The following SORCS3 variants were observed in gnomAD, a reference collection of about 807,000 sequenced individuals.
The protein encoded by SORCS3 is VPS10 domain-containing receptor SorCS3.
SORCS3 carries 57 observed loss-of-function variants against 146.3 expected under a neutral mutation model. The observed-to-expected ratio is 0.39, with a 90% confidence interval of 0.31 to 0.49. The LOEUF (loss-of-function observed/expected upper bound fraction) is 0.49, where lower values mean the gene tolerates loss of function less well. Ranked by LOEUF, SORCS3 falls within the 20% of genes least tolerant of loss-of-function variation. The pLI is 0.92. For missense variants in SORCS3, 1,341 were observed against 1,575.5 expected (o/e 0.85, Z 2.52); for synonymous variants, 653 against 618.5 (o/e 1.06, Z -0.83).
At chr10:105,159,266 G>T (rs1207998049) in intron 11 of SORCS3, among the ~76,000 whole-genome samples, 1 of 152,180 alleles carries the variant, frequency 6.6e-6, no homozygotes, top group Non-Finnish European at 1.5e-5. Context: ...AAAGTAAACT[G>T]ACCAATCAGA....
At chr10:105,163,049 A>G (rs2056280156) in intron 11 of SORCS3, among the ~76,000 whole-genome samples, 2 of 152,006 alleles carry the variant, frequency 1.3e-5, no homozygotes, top group African/African-American at 4.8e-5. Flanking sequence ...CAAATTCCAG[A>G]CAGAACTCCA....
intron 1 of SORCS3, among the ~76,000 whole-genome samples, chr10:104,718,674 G>C (rs1275158341): frequency 6.6e-6 from 1 of 152,148 alleles, no homozygotes; most frequent in Non-Finnish European, 1.5e-5. Flanking sequence ...ATGGGCCCCT[G>C]CTTTGAGGAA....
intron 17 of SORCS3, among the ~76,000 whole-genome samples, chr10:105,212,551 G>C (rs944957904): frequency 1.3e-5 from 2 of 152,046 alleles, no homozygotes; most frequent in African/African-American, 4.8e-5. Context: ...GACATGTGTA[G>C]GTAGACCACA....
chr10:104,718,025 A>G (rs2016499472), intron 1 of SORCS3, among the ~76,000 whole-genome samples: 1 of 152,146 alleles, frequency 6.6e-6, no homozygotes, highest in African/African-American at 2.4e-5. Context: ...AGGTGCCTGT[A>G]ATCCCAGCTA....
At chr10:105,070,511 T>C (rs1220616324) in intron 5 of SORCS3, among the ~76,000 whole-genome samples, 1 of 152,202 alleles carries the variant, frequency 6.6e-6, no homozygotes, top group Non-Finnish European at 1.5e-5. Flanking sequence ...AGGTTCTTTC[T>C]TTGAGAACAG....
At chr10:104,645,944 T>C (rs1250301085) in intron 1 of SORCS3, among the ~76,000 whole-genome samples, 1 of 152,218 alleles carries the variant, frequency 6.6e-6, no homozygotes, top group East Asian at 1.9e-4. Context: ...TGTCACAATA[T>C]CTTAATGCAT....
chr10:105,225,429 C>T lies in SORCS3; in HGVS notation c.2868+2180C>T, dbSNP rs76953297. 5.2e-3 allele frequency among the ~76,000 whole-genome samples: 785 copies of T among 151,882 alleles called. 10 individuals are homozygous for T. Among genetic ancestry groups the T allele is most frequent in the African/African-American group, 0.018 (736 of 41,436 alleles). ...CTATTTCTGGGCTATTTATTTGGTTCCATTGGTCTGTTTTCCTGTTTTTTT... is the reference window on the plus strand; with the variant it reads ...CTATTTCTGGGCTATTTATTTGGTTTCATTGGTCTGTTTTCCTGTTTTTTT... On this transcript the variant is annotated intron_variant, in intron 20 of 26. Transcript: ENST00000369701.
intron 16 of SORCS3, among the ~76,000 whole-genome samples, chr10:105,206,501 CT>C (rs1212896823): frequency 6.6e-6 from 1 of 152,114 alleles, no homozygotes; most frequent in African/African-American, 2.4e-5. Context: ...TCATGGAAGG[CT>C]TCCTGCAGGA....
chr10:105,001,439 G>A (rs1020382590), intron 4 of SORCS3, among the ~76,000 whole-genome samples: 3 of 152,358 alleles, frequency 2.0e-5, no homozygotes, highest in Non-Finnish European at 4.4e-5. Context: ...GTTCTTTGAA[G>A]TGTGCCTGGA....
intron 5 of SORCS3, among the ~76,000 whole-genome samples, chr10:105,058,357 G>A (rs1052575896): frequency 2.0e-5 from 3 of 152,172 alleles, no homozygotes; most frequent in African/African-American, 7.2e-5. Flanking sequence ...ATCCCATCCT[G>A]CTTCCTAACA....
chr10:105,158,895 T>A lies in SORCS3; in HGVS notation c.1633T>A (p.Phe545Ile). Reference sequence around the variant, plus strand: ...ACTATTTCTTTCTCCATTTTAGCCCTTCTGTTCCTTACATCTGCACCTGCA... The same window carrying A: ...ACTATTTCTTTCTCCATTTTAGCCCATCTGTTCCTTACATCTGCACCTGCA... ...RGSPVHCLLP[F>I]CSLHLHLQLS... The change falls in exon 11 of 27, where the codon TTC becomes ATC. Residue 545 changes from phenylalanine to isoleucine, a missense_variant. Physicochemically the swap from Phe to Ile is conservative, Grantham distance 21. Transcript: ENST00000369701. 1.2e-6 allele frequency: 2 copies of A among 1,610,866 alleles called. No individual in the cohort carries two copies. The highest frequency in any genetic ancestry group is 2.7e-5 in the African/African-American group (2 of 74,980).
At chr10:104,746,493 C>A (rs1458104357) in intron 1 of SORCS3, among the ~76,000 whole-genome samples, 1 of 152,240 alleles carries the variant, frequency 6.6e-6, no homozygotes, top group African/African-American at 2.4e-5. Context: ...CATCATCTCA[C>A]ATACTTACCA....
intron 1 of SORCS3, among the ~76,000 whole-genome samples, chr10:104,794,624 A>AGG (rs765408390): frequency 0.21 from 10,110 of 47,414 alleles, 581 homozygotes; most frequent in African/African-American, 0.31. Context: ...AGAGGGAGGG[A>AGG]GAGAGAGAGA....
chr10:105,111,484 A>C (rs938760108), intron 7 of SORCS3, among the ~76,000 whole-genome samples: 1 of 152,202 alleles, frequency 6.6e-6, no homozygotes, highest in African/African-American at 2.4e-5. Flanking sequence ...AAGTGTAGTT[A>C]GTTATCTTTT....
chr10:105,189,736 A>G (rs2056501640), intron 14 of SORCS3, among the ~76,000 whole-genome samples: 1 of 152,136 alleles, frequency 6.6e-6, no homozygotes, highest in African/African-American at 2.4e-5. Context: ...GTCCTTGAGC[A>G]GGCCTTAGTT....
At chr10:105,250,612 C>T (rs2056893084) in intron 22 of SORCS3, among the ~76,000 whole-genome samples, 1 of 152,144 alleles carries the variant, frequency 6.6e-6, no homozygotes, top group Non-Finnish European at 1.5e-5. Context: ...ATAAGCTCAC[C>T]ACCCAACCCT....
chr10:104,715,062 C>T (rs1341403340), intron 1 of SORCS3, among the ~76,000 whole-genome samples: 2 of 152,194 alleles, frequency 1.3e-5, no homozygotes, highest in Admixed American at 1.3e-4. Context: ...TTTGTGTAAG[C>T]TACCTTAGTA....
chr10:105,179,296 A>G (rs1470494137), intron 14 of SORCS3, among the ~76,000 whole-genome samples: 1 of 152,104 alleles, frequency 6.6e-6, no homozygotes, highest in East Asian at 1.9e-4. Context: ...GTGTTCATCT[A>G]ATCTTAAATG....
intron 3 of SORCS3, among the ~76,000 whole-genome samples, chr10:104,953,677 T>C (rs1290139816): frequency 3.9e-5 from 6 of 152,210 alleles, no homozygotes; most frequent in African/African-American, 1.2e-4. Flanking sequence ...AGAAAGATGA[T>C]CTTAGACTTC....
Sources: allele counts gnomAD v4.1 joint callset (sites outside exome capture counted in the v4.1 genomes callset), GRCh38; gene constraint gnomAD v4.1.1; transcripts MANE v1.5; gene names NCBI Gene and HGNC (gene_info 2026-07-23, HGNC 2026-07-21).